The following RIMBP2 variants were observed in gnomAD, a reference collection of about 807,000 sequenced individuals.
RIMBP2 encodes RIMS-binding protein 2.
RIMBP2 carries 48 observed loss-of-function variants against 118.6 expected under a neutral mutation model. That is an observed-to-expected ratio of 0.40 (90% CI 0.32 to 0.51). The LOEUF is 0.51. RIMBP2 is among the 20% of genes least tolerant of loss of function. The pLI, the probability that RIMBP2 is intolerant of heterozygous loss-of-function variation, is 0.41. For missense variants in RIMBP2, 1,551 were observed against 1,768.3 expected, an observed-to-expected ratio of 0.88 and a Z score of 2.20; for synonymous variants, 762 against 742.9, an observed-to-expected ratio of 1.03 and a Z score of -0.42.
At chr12:130,489,073 G>A (rs541638504) in intron 4 of RIMBP2, among the ~76,000 whole-genome samples, 38 of 152,312 alleles carry the variant, frequency 2.5e-4, no homozygotes, top group African/African-American at 8.2e-4. Context: ...ATTTCTGAAC[G>A]ACCCTGGGAT....
chr12:130,486,344 C>G (rs1013056387), intron 4 of RIMBP2, among the ~76,000 whole-genome samples: 1 of 152,170 alleles, frequency 6.6e-6, no homozygotes, highest in Non-Finnish European at 1.5e-5. Flanking sequence ...CAATGACCTC[C>G]CGCTGATCTC....
At chr12:130,501,169 T>C (rs1257978461) in intron 4 of RIMBP2, among the ~76,000 whole-genome samples, 1 of 152,162 alleles carries the variant, frequency 6.6e-6, no homozygotes, top group Non-Finnish European at 1.5e-5. Context: ...CAAACCCTGT[T>C]GATTCCACCT....
At chr12:130,553,165 A>AGTGCTGGGCATGGT (rs113323991) in intron 2 of RIMBP2, among the ~76,000 whole-genome samples, 2 of 150,012 alleles carry the variant, frequency 1.3e-5, no homozygotes, top group Non-Finnish European at 1.5e-5. Flanking sequence ...AAAAAAAAAA[A>AGTGCTGGGCATGGT]GAAAAGAAAA....
intron 19 of RIMBP2, among the ~76,000 whole-genome samples, chr12:130,409,142 C>T (rs2075458169): frequency 6.6e-6 from 1 of 152,112 alleles, no homozygotes; most frequent in Non-Finnish European, 1.5e-5. Context: ...CACGAAGGCT[C>T]ACTCTTCCCA....
At chr12:130,676,617 T>C (rs1257060003) in intron 1 of RIMBP2, among the ~76,000 whole-genome samples, 6 of 149,814 alleles carry the variant, frequency 4.0e-5, no homozygotes, top group African/African-American at 1.5e-4. Flanking sequence ...AGCGAGAGTC[T>C]GTCTCAAAAA....
chr12:130,584,026 C>T (rs898929752), intron 2 of RIMBP2, among the ~76,000 whole-genome samples: 2 of 151,244 alleles, frequency 1.3e-5, no homozygotes, highest in South Asian at 4.2e-4. Context: ...ATTACATCAC[C>T]ATCACCCCCA....
chr12:130,526,136 A>G (rs945796563), intron 2 of RIMBP2, among the ~76,000 whole-genome samples: 1 of 152,120 alleles, frequency 6.6e-6, no homozygotes, highest in African/African-American at 2.4e-5. Flanking sequence ...CTTCCCTTGC[A>G]CTAGAGACTA....
At chr12:130,468,442 C>T (rs11060915) in intron 6 of RIMBP2, among the ~76,000 whole-genome samples, 3,194 of 152,220 alleles carry the variant, frequency 0.021, 91 homozygotes, top group East Asian at 0.16. Flanking sequence ...GCTGCTGCCC[C>T]GGGGAACCCA....
chr12:130,457,724 T>A (rs912146347), intron 6 of RIMBP2, among the ~76,000 whole-genome samples: 2 of 152,230 alleles, frequency 1.3e-5, no homozygotes, highest in Non-Finnish European at 2.9e-5. Flanking sequence ...AAGCCTCTGC[T>A]TTCTGGCTCA....
chr12:130,610,762 G>A lies in RIMBP2; in HGVS notation c.-217+17560C>T, dbSNP rs7956749. ...TTTTTAGTAGAGACGGGGTTTCACC[G>A]TGTTAGCCAGGATGGTCTCGATCTC... On this transcript the variant is annotated intron_variant, in intron 2 of 22. Transcript: ENST00000690449. Among the ~76,000 whole-genome samples, 886 of 151,482 alleles carry A rather than the reference G, an allele frequency of 5.8e-3. 10 individuals are homozygous for A. The highest frequency in any genetic ancestry group is 0.02 in the African/African-American group (833 of 41,286).
chr12:130,535,668 T>C (rs1487118178), intron 2 of RIMBP2, among the ~76,000 whole-genome samples: 5 of 117,274 alleles, frequency 4.3e-5, no homozygotes, highest in Non-Finnish European at 8.8e-5. Flanking sequence ...CACATATACA[T>C]ATATACACAT....
intron 1 of RIMBP2, among the ~76,000 whole-genome samples, chr12:130,707,693 GAGGTGGACAC>G (rs995246515): frequency 2.0e-4 from 31 of 152,272 alleles, no homozygotes; most frequent in African/African-American, 7.2e-4. Context: ...CTTGCAGGCA[GAGGTGGACAC>G]AGGAGGCCTG....
chr12:130,437,269 G>T lies in RIMBP2; in HGVS notation c.1679C>A (p.Thr560Lys), dbSNP rs530744461. The T allele has an allele frequency of 1.1e-5, 18 of 1,580,566 alleles. No individual in the cohort carries two copies. The highest frequency in any genetic ancestry group is 2.3e-5 in the South Asian group (2 of 88,256). Residue 560 changes from threonine (T) to lysine (K), a missense_variant, in exon 13 of 23, where the codon ACG becomes AAG. Physicochemically the swap from Thr to Lys is moderately conservative, Grantham distance 78. Around this residue, in one of 5 missense-constraint regions of RIMBP2, gnomAD observed 1,038 missense variants for 1,125.1 expected, o/e 0.92. Transcript: ENST00000690449. ...AAGCTCCACGGCCGTGCTGTCTGCC[G>T]TGGGGAAGATGACTTCAGCCACCTG... is the stretch of plus-strand genomic sequence containing the variant. Reference protein sequence around the residue: ...GQRVAEVIFPTADSTAVELVR... With the variant: ...GQRVAEVIFPKADSTAVELVR...
rs1458442875 is a variant in RIMBP2 at position 130,419,356 on chromosome 12, A to G, written c.3238+3097T>C. ...CATATCGTGTGGGAGATCAGGGCTCATGCCTGGACGCCTGGGTGGGCTCCC... is the reference window on the plus strand; with the variant it reads ...CATATCGTGTGGGAGATCAGGGCTCGTGCCTGGACGCCTGGGTGGGCTCCC... On this transcript the variant is annotated intron_variant, in intron 17 of 22. Transcript: ENST00000690449. This position sits in a 1 kb window ranked among gnomAD's most constrained non-coding sequence, Gnocchi z 4.3. Among the ~76,000 whole-genome samples, 1 of 152,194 alleles carries G rather than the reference A, an allele frequency of 6.6e-6. No individual in the cohort carries two copies. Among genetic ancestry groups the G allele is most frequent in the African/African-American group, 2.4e-5 (1 of 41,444 alleles).
At chr12:130,497,162 TCCCTGATGTGCGACCGCACC>T in intron 4 of RIMBP2, among the ~76,000 whole-genome samples, 1 of 152,136 alleles carries the variant, frequency 6.6e-6, no homozygotes, top group East Asian at 1.9e-4. Context: ...ACGAGGGCCC[TCCCTGATGTGCGACCGCACC>T]TTCACCTAGT....
chr12:130,541,041 A>G (rs2054554866), intron 2 of RIMBP2, among the ~76,000 whole-genome samples: 4 of 152,172 alleles, frequency 2.6e-5, no homozygotes, highest in African/African-American at 7.2e-5. Context: ...GCTTGCTAAC[A>G]TCGGCTATCA....
In RIMBP2 at chr12:130,604,582, C is replaced by CTTTTTTTTTTTTTTT. The variant is rs777097560; in HGVS notation, c.-217+23739_-217+23740insAAAAAAAAAAAAAAA. Reference sequence around the variant, plus strand: ...AGTGCCCTATACAGATGCCCCTTTTCTTTCTTTTTTTTTTTTTTTGAGACA... The same window carrying CTTTTTTTTTTTTTTT: ...AGTGCCCTATACAGATGCCCCTTTTCTTTTTTTTTTTTTTTTTTCTTTTTTTTTTTTTTTGAGACA... On this transcript the variant is annotated intron_variant, in intron 2 of 22. Coordinates refer to ENST00000690449, the MANE Select transcript of RIMBP2 (RefSeq NM_001393629.1). Among the ~76,000 whole-genome samples the CTTTTTTTTTTTTTTT allele has an allele frequency of 2.2e-4, 15 of 67,278 alleles. 2 individuals carry two copies. Among genetic ancestry groups the CTTTTTTTTTTTTTTT allele is most frequent in the Admixed American group, 2.1e-4 (1 of 4,716 alleles). 44.1% of individuals were successfully genotyped at this position (67,278 alleles called of 152,430 possible).
At position 130,431,736 on chromosome 12, in the gene RIMBP2, CCAAA is replaced by C. The variant is rs559375516; in HGVS notation, c.2253+2994_2253+2997del. 265 of 154,576 alleles carry C rather than the reference CCAAA, an allele frequency of 1.7e-3. 1 individual carries two copies. Among genetic ancestry groups the C allele is most frequent in the Non-Finnish European group, 2.9e-3 (206 of 70,104 alleles). 9.6% of individuals were successfully genotyped at this position (154,576 alleles called of 1,614,324 possible). Reference sequence around the variant, plus strand: ...GAAAACGTGTTAATAGCATGCTTGGCCAAACAGACTTCCTCTGCAGTCTCATCAG... The same window carrying C: ...GAAAACGTGTTAATAGCATGCTTGGCCAGACTTCCTCTGCAGTCTCATCAG... On this transcript the variant is annotated intron_variant, in intron 14 of 22. Coordinates refer to ENST00000690449, the MANE Select transcript of RIMBP2 (RefSeq NM_001393629.1). This position sits in a 1 kb window ranked among gnomAD's most constrained non-coding sequence, Gnocchi z 4.0.
At chr12:130,657,815 C>T (rs1028483864) in intron 1 of RIMBP2, 10 of 152,338 alleles carry the variant, frequency 6.6e-5, no homozygotes, top group African/African-American at 2.2e-4. Flanking sequence ...CATTTTATCT[C>T]GTTTCAGTGT....
Sources: gnomAD v4.1 joint callset for allele counts (sites outside exome capture counted in the v4.1 genomes callset) on GRCh38, gnomAD v4.1.1 for gene constraint, gnomAD v4.1.1 regional missense constraint, Gnocchi (gnomAD v3.1) non-coding constraint, MANE v1.5 for transcripts, NCBI Gene and HGNC (gene_info 2026-07-23, HGNC 2026-07-21) for gene names.